COL25A1: variants seen among roughly 807,000 people sequenced by gnomAD.
COL25A1 encodes collagen alpha-1(XXV) chain.
Under a neutral mutation model 128.4 loss-of-function variants are expected in COL25A1, and 103 were observed. The observed-to-expected ratio is 0.80, with a 90% CI of 0.68 to 0.94. COL25A1 has a LOEUF of 0.94. Among genes scored for constraint, COL25A1 ranks in the 40% least tolerant of loss-of-function variants. The pLI is 0.00. For synonymous variants in COL25A1, 279 were observed against 277.2 expected (o/e 1.01, Z -0.06); for missense variants, 745 against 840.0 (o/e 0.89, Z 1.40).
chr4:109,007,317 CT>C (rs147988855), intron 6 of COL25A1, among the ~76,000 whole-genome samples: 57 of 152,210 alleles, frequency 3.7e-4, no homozygotes, highest in Non-Finnish European at 6.8e-4. Context: ...AAATGCAAAA[CT>C]TCATTAAGTG....
At chr4:108,918,118 T>A in intron 13 of COL25A1, 54 bp downstream of exon 13, 1 of 1,144,110 alleles carries the variant, frequency 8.7e-7, no homozygotes, top group South Asian at 1.6e-5. Flanking sequence ...AATAATTTTG[T>A]GATTTCAATG....
chr4:109,019,262 G>A (rs1373613402), intron 5 of COL25A1, among the ~76,000 whole-genome samples: 3 of 151,096 alleles, frequency 2.0e-5, no homozygotes, highest in African/African-American at 7.3e-5. Context: ...GGCTCTCCTT[G>A]CTCCTCAGCT....
At chr4:109,139,365 C>A (rs1467870243) in intron 3 of COL25A1, among the ~76,000 whole-genome samples, 1 of 152,114 alleles carries the variant, frequency 6.6e-6, no homozygotes. Flanking sequence ...GTTCTTGTTG[C>A]TATTGCTTTT....
intron 3 of COL25A1, among the ~76,000 whole-genome samples, chr4:109,114,416 G>A (rs563568951): frequency 6.6e-6 from 1 of 152,136 alleles, no homozygotes; most frequent in Non-Finnish European, 1.5e-5. Flanking sequence ...CCAGACTTGA[G>A]GGAGATGACA....
chr4:108,818,782 T>C (rs1208204165), intron 36 of COL25A1, among the ~76,000 whole-genome samples: 1 of 152,080 alleles, frequency 6.6e-6, no homozygotes, highest in Non-Finnish European at 1.5e-5. Flanking sequence ...GGTTAACACT[T>C]GACGACAGAA....
At chr4:108,983,788 C>T (rs574114597) in intron 6 of COL25A1, among the ~76,000 whole-genome samples, 6 of 152,028 alleles carry the variant, frequency 3.9e-5, no homozygotes, top group African/African-American at 1.2e-4. Flanking sequence ...TTCGTGGTCT[C>T]GCTGGCTTCA....
chr4:108,827,627 A>G lies in COL25A1; in HGVS notation c.1711-439T>C, dbSNP rs1351469755. 2.0e-5 allele frequency among the ~76,000 whole-genome samples: 3 copies of G among 152,120 alleles called. No individual in the cohort carries two copies. The East Asian group carries it at 5.8e-4, about 29-fold the overall frequency. On this transcript the variant is annotated intron_variant, in intron 32 of 37. Transcript: ENST00000399132. ...CTGAAACCTTAAACTACTGGGCCTA[A>G]GTGATCCTCCCACCTCGACCTCCTG...
At chr4:108,966,215 A>G (rs1030768284) in intron 8 of COL25A1, among the ~76,000 whole-genome samples, 1 of 151,744 alleles carries the variant, frequency 6.6e-6, no homozygotes, top group Non-Finnish European at 1.5e-5. Flanking sequence ...TCATTCATTC[A>G]CTTATGTTTT....
chr4:108,860,538 T>C (rs761378260), intron 23 of COL25A1, among the ~76,000 whole-genome samples: 4 of 152,230 alleles, frequency 2.6e-5, no homozygotes, highest in Non-Finnish European at 5.9e-5. Context: ...TTATTAGATC[T>C]GCTACTTAAT....
chr4:109,279,555 G>A lies in COL25A1; in HGVS notation c.367+21028C>T, dbSNP rs145496391. ...TGTGCCAATGCACTCCAGCTTGGGC[G>A]ACACAGCAAGACCCTGTCTCAATCA... On this transcript the variant is annotated intron_variant, in intron 3 of 37. Coordinates refer to ENST00000399132, the MANE Select transcript of COL25A1 (RefSeq NM_198721.4). Among the ~76,000 whole-genome samples the A allele has an allele frequency of 7.4e-4, 113 of 152,158 alleles. 1 individual carries two copies. Among genetic ancestry groups the A allele is most frequent in the African/African-American group, 2.5e-3 (102 of 41,512 alleles).
rs531128837 is a variant in COL25A1 at position 108,935,242 on chromosome 4, G to A, written c.708+2566C>T. On this transcript the variant is annotated intron_variant, in intron 11 of 37. Coordinates refer to ENST00000399132, the MANE Select transcript of COL25A1 (RefSeq NM_198721.4). ...CAAAAGTGTACATACTGTAGGATTCGATTACTATAAAATTCAAATGTAGGC... is the reference window on the plus strand; with the variant it reads ...CAAAAGTGTACATACTGTAGGATTCAATTACTATAAAATTCAAATGTAGGC... Among the ~76,000 whole-genome samples the A allele has an allele frequency of 3.3e-5, 5 of 152,244 alleles. No individual in the cohort carries two copies. In the East Asian group the frequency reaches 5.8e-4, roughly 18 times the overall value.
At chr4:108,971,202 C>A (rs1251956879) in intron 8 of COL25A1, among the ~76,000 whole-genome samples, 1 of 152,126 alleles carries the variant, frequency 6.6e-6, no homozygotes, top group Non-Finnish European at 1.5e-5. Context: ...ACACAGTTTT[C>A]TTACTCAGGT....
chr4:109,227,127 A>G (rs1276723858), intron 3 of COL25A1, among the ~76,000 whole-genome samples: 1 of 152,158 alleles, frequency 6.6e-6, no homozygotes, highest in African/African-American at 2.4e-5. Context: ...TTCATCCTTC[A>G]CAAATGCAGA....
In COL25A1 at chr4:108,824,242, G is replaced by T; in HGVS notation, c.1792-15C>A. Reference sequence around the variant, plus strand: ...CCAGGGAAGCCCTGTAAGATAAAAAGCAAACCAAAAAGATCTATTGGTGTA... The same window carrying T: ...CCAGGGAAGCCCTGTAAGATAAAAATCAAACCAAAAAGATCTATTGGTGTA... On this transcript the variant is annotated splice_polypyrimidine_tract_variant and intron_variant, in intron 34 of 37. Transcript: ENST00000399132. 1 of 1,583,734 alleles carries T rather than the reference G, an allele frequency of 6.3e-7. No individual in the cohort carries two copies. Among genetic ancestry groups the T allele is most frequent in the South Asian group, 1.1e-5 (1 of 87,888 alleles).
intron 18 of COL25A1, 21 bp from the exon 19 acceptor site, chr4:108,884,243 G>A: frequency 6.2e-7 from 1 of 1,603,294 alleles, no homozygotes; most frequent in Non-Finnish European, 8.5e-7. Flanking sequence ...AAATCATATA[G>A]CATTATAGAA....
chr4:108,988,912 C>T (rs1270082262), intron 6 of COL25A1, among the ~76,000 whole-genome samples: 2 of 152,142 alleles, frequency 1.3e-5, no homozygotes, highest in Non-Finnish European at 2.9e-5. Context: ...ACCCTCATTT[C>T]TGTCTTTTCT....
chr4:109,127,378 A>G (rs1768722574), intron 3 of COL25A1, among the ~76,000 whole-genome samples: 1 of 152,218 alleles, frequency 6.6e-6, no homozygotes, highest in Non-Finnish European at 1.5e-5. Flanking sequence ...AGTATGCAAC[A>G]GTATGCCAAA....
chr4:108,896,524 T>A (rs1742170322), intron 16 of COL25A1, 143 bp downstream of exon 16: 1 of 588,318 alleles, frequency 1.7e-6, no homozygotes, highest in African/African-American at 1.9e-5. Flanking sequence ...AGTATTTAAA[T>A]GTTTTCTAAT....
chr4:109,020,664 T>C (rs1757651073), intron 5 of COL25A1, among the ~76,000 whole-genome samples: 1 of 152,206 alleles, frequency 6.6e-6, no homozygotes, highest in African/African-American at 2.4e-5. Flanking sequence ...TTATATTTTC[T>C]AACACAATAC....
Sources: allele counts gnomAD v4.1 joint callset (sites outside exome capture counted in the v4.1 genomes callset), GRCh38; gene constraint gnomAD v4.1.1; transcripts MANE v1.5; gene names NCBI Gene and HGNC (gene_info 2026-07-23, HGNC 2026-07-21).